Variants in SCHIP1 observed in about 807,000 individuals in gnomAD.
SCHIP1 encodes the protein schwannomin interacting protein 1.
Under a neutral mutation model 29.7 loss-of-function variants are expected in SCHIP1, and 8 were observed. That is an observed-to-expected ratio of 0.27 (90% confidence interval 0.16 to 0.49). SCHIP1 has a LOEUF of 0.49. SCHIP1 is among the 20% of genes least tolerant of loss of function. SCHIP1 has a pLI of 0.99. For synonymous variants in SCHIP1, 76 were observed against 94.9 expected (o/e 0.80, Z 1.16); for missense variants, 193 against 294.6 (o/e 0.66, Z 2.52).
the SCHIP1 span, among the ~76,000 whole-genome samples, chr3:159,602,182 G>A: frequency 3.9e-5 from 6 of 152,244 alleles, no homozygotes; most frequent in South Asian, 4.1e-4. Context: ...TCAATACCAC[G>A]TTCCTCTAGG....
At chr3:159,438,674 T>C in the SCHIP1 span, among the ~76,000 whole-genome samples, 3,177 of 152,200 alleles carry the variant, frequency 0.021, 94 homozygotes, top group African/African-American at 0.068. Context: ...CCAGTGTGTG[T>C]TGTTTCCCCC....
the SCHIP1 span, among the ~76,000 whole-genome samples, chr3:159,439,685 T>G: frequency 2.0e-5 from 3 of 152,208 alleles, no homozygotes; most frequent in Non-Finnish European, 4.4e-5. Flanking sequence ...ATGTCTTCTT[T>G]TCAGAAATGC....
At chr3:159,846,862 G>T (rs1711912872) in intron 1 of SCHIP1, among the ~76,000 whole-genome samples, 1 of 147,178 alleles carries the variant, frequency 6.8e-6, no homozygotes, top group South Asian at 2.1e-4. Flanking sequence ...AAATTTTGGA[G>T]ATAAATTTAT....
At chr3:159,745,625 C>T in the SCHIP1 span, among the ~76,000 whole-genome samples, 1 of 152,184 alleles carries the variant, frequency 6.6e-6, no homozygotes. Flanking sequence ...TATTTCATAG[C>T]TTATGTCATT....
At chr3:159,678,787 G>A in the SCHIP1 span, among the ~76,000 whole-genome samples, 2 of 152,180 alleles carry the variant, frequency 1.3e-5, no homozygotes, top group Admixed American at 6.5e-5. Flanking sequence ...ACTTACAATC[G>A]TGGTGGAAGG....
chr3:159,647,478 A>G, the SCHIP1 span, among the ~76,000 whole-genome samples: 2 of 152,146 alleles, frequency 1.3e-5, no homozygotes, highest in East Asian at 3.9e-4. Flanking sequence ...TTGGGGTTAG[A>G]GGAACATAAT....
chr3:159,389,002 A>G, the SCHIP1 span, among the ~76,000 whole-genome samples: 2 of 152,026 alleles, frequency 1.3e-5, no homozygotes. Context: ...AAGACACCAT[A>G]CAATCCTGGA....
chr3:159,665,759 C>T, the SCHIP1 span, among the ~76,000 whole-genome samples: 4 of 152,174 alleles, frequency 2.6e-5, no homozygotes, highest in African/African-American at 9.7e-5. Flanking sequence ...AAAGTTGTCT[C>T]ATTTCTTTTC....
chr3:159,767,785 C>G, the SCHIP1 span, among the ~76,000 whole-genome samples: 1 of 152,176 alleles, frequency 6.6e-6, no homozygotes, highest in African/African-American at 2.4e-5. Flanking sequence ...AGTAAAGTAA[C>G]AGCACTGCAC....
the SCHIP1 span, among the ~76,000 whole-genome samples, chr3:159,828,462 T>TATATATAC: frequency 4.4e-5 from 4 of 90,672 alleles, no homozygotes; most frequent in Admixed American, 1.2e-4. Flanking sequence ...CGTATATATA[T>TATATATAC]GTATATATAC....
the SCHIP1 span, among the ~76,000 whole-genome samples, chr3:159,680,696 T>A: frequency 0.15 from 652 of 4,208 alleles, 57 homozygotes; most frequent in Non-Finnish European, 0.29. Flanking sequence ...TGTATATATA[T>A]AATATATATT....
chr3:159,528,134 T>C, the SCHIP1 span, among the ~76,000 whole-genome samples: 2 of 152,264 alleles, frequency 1.3e-5, no homozygotes, highest in Admixed American at 6.5e-5. Context: ...AATTCCTTTG[T>C]TGCAATGAAT....
intron 1 of SCHIP1, among the ~76,000 whole-genome samples, chr3:159,854,516 G>A (rs753188696): frequency 8.5e-5 from 13 of 152,136 alleles, no homozygotes; most frequent in Non-Finnish European, 2.9e-5. Flanking sequence ...CCATGTTGCC[G>A]TTTGTGTTTT....
the SCHIP1 span, among the ~76,000 whole-genome samples, chr3:159,663,296 T>C: frequency 1.3e-4 from 19 of 151,876 alleles, no homozygotes; most frequent in Admixed American, 8.5e-4. Context: ...ACCCTTGGAG[T>C]GTGTACCTAA....
chr3:159,874,402 A>G (rs1345621454), intron 2 of SCHIP1, among the ~76,000 whole-genome samples: 2 of 152,164 alleles, frequency 1.3e-5, no homozygotes, highest in African/African-American at 4.8e-5. Flanking sequence ...ATCAAAACTC[A>G]TTTCTTTCTT....
the SCHIP1 span, chr3:159,273,549 A>C: frequency 8.1e-7 from 1 of 1,231,290 alleles, no homozygotes; most frequent in Non-Finnish European, 1.0e-6. Flanking sequence ...TTTGAAGAAC[A>C]CTGGCAAAAA....
At chr3:159,390,889 CA>C in the SCHIP1 span, among the ~76,000 whole-genome samples, 30 of 151,976 alleles carry the variant, frequency 2.0e-4, no homozygotes, top group East Asian at 5.0e-3. Context: ...GGAAAGGAAA[CA>C]AAAAAACAGA....
chr3:159,806,642 G>A, the SCHIP1 span, among the ~76,000 whole-genome samples: 13 of 152,216 alleles, frequency 8.5e-5, no homozygotes, highest in African/African-American at 3.1e-4. Flanking sequence ...GAGTTCTGGG[G>A]AACAGCAGCA....
the SCHIP1 span, among the ~76,000 whole-genome samples, chr3:159,559,657 T>G: frequency 1.3e-5 from 2 of 152,210 alleles, no homozygotes; most frequent in Admixed American, 1.3e-4. Context: ...CTAACTCCTA[T>G]TAAAATACAG....
Sources: gnomAD v4.1 joint callset for allele counts (sites outside exome capture counted in the v4.1 genomes callset) on GRCh38, gnomAD v4.1.1 for gene constraint, MANE v1.5 for transcripts, NCBI Gene and HGNC (gene_info 2026-07-23, HGNC 2026-07-21) for gene names.